Variants in DNAH17 observed in about 807,000 individuals in gnomAD.
The protein encoded by DNAH17 is axonemal beta dynein heavy chain 17.
DNAH17 carries 376 observed loss-of-function variants against 485.6 expected under a neutral mutation model. That is an observed-to-expected ratio of 0.77 (90% CI 0.71 to 0.84). The LOEUF is 0.84. Ranked by LOEUF, DNAH17 falls within the 40% of genes least tolerant of loss-of-function variation. The pLI, the probability that DNAH17 is intolerant of heterozygous loss-of-function variation, is 0.00. For missense variants in DNAH17, 6,370 were observed against 5,839.3 expected, an observed-to-expected ratio of 1.09 and a Z score of -2.96; for synonymous variants, 3,031 against 2,405.9, an observed-to-expected ratio of 1.26 and a Z score of -7.60.
At chr17:78,553,914 G>A (rs189997016) in intron 14 of DNAH17, among the ~76,000 whole-genome samples, 6 of 151,748 alleles carry the variant, frequency 4.0e-5, no homozygotes, top group Non-Finnish European at 1.5e-5. Flanking sequence ...GTGGATCACT[G>A]AGCATTTCTT....
chr17:78,450,950 A>T (rs2087522709), intron 66 of DNAH17, 104 bp from the exon 67 acceptor site: 1 of 1,443,018 alleles, frequency 6.9e-7, no homozygotes, highest in East Asian at 2.3e-5. Flanking sequence ...CCAGGCTTTG[A>T]GCGGGAGGAA....
At chr17:78,516,485 G>A (rs1054148912) in intron 25 of DNAH17, among the ~76,000 whole-genome samples, 2 of 152,096 alleles carry the variant, frequency 1.3e-5, no homozygotes, top group African/African-American at 2.4e-5. Flanking sequence ...TCAGGAGTTC[G>A]ATACCAGCCT....
chr17:78,478,703 ACCATCACCACCACTATTG>A (rs1277938391), intron 51 of DNAH17, among the ~76,000 whole-genome samples: 1 of 140,144 alleles, frequency 7.1e-6, no homozygotes, highest in Non-Finnish European at 1.5e-5. Flanking sequence ...TACCATCATT[ACCATCACCACCACTATTG>A]CCATCATCAC....
At chr17:78,432,025 AAAAC>A (rs916529727) in intron 75 of DNAH17, among the ~76,000 whole-genome samples, 5 of 151,490 alleles carry the variant, frequency 3.3e-5, no homozygotes, top group Admixed American at 6.6e-5. Flanking sequence ...AAACAAAACA[AAAAC>A]AAAAAAAACC....
At chr17:78,458,540 G>A in intron 62 of DNAH17, 25 bp downstream of exon 62, 1 of 1,584,350 alleles carries the variant, frequency 6.3e-7, no homozygotes, top group Non-Finnish European at 8.7e-7. Flanking sequence ...AGAGCAGGAG[G>A]GTGGTCTCGG....
chr17:78,530,402 G>A lies in DNAH17; in HGVS notation c.3225C>T (p.Ser1075=), dbSNP rs1202515408. The A allele has an allele frequency of 1.9e-6, 3 of 1,613,638 alleles. No homozygotes were observed. The highest frequency in any genetic ancestry group is 2.2e-5 in the East Asian group (1 of 44,882). The change falls in exon 21 of 81, where the codon AGC becomes AGT. Residue 1075 remains serine (S), a synonymous_variant. Transcript: ENST00000389840. ...DCRPFKQALL[S]TIRRWGFMFK... ...ACATGAAGCCCCAGCGCCGGATTGT[G>A]CTGAGCAGGGCCTGCTTGAAGGGGC...
At chr17:78,554,437 A>C (rs576847585) in intron 14 of DNAH17, among the ~76,000 whole-genome samples, 5 of 22,624 alleles carry the variant, frequency 2.2e-4, no homozygotes, top group South Asian at 1.7e-3. Flanking sequence ...ACTCTGTCTC[A>C]AAAAAAAAAA....
intron 48 of DNAH17, among the ~76,000 whole-genome samples, chr17:78,483,045 C>CA (rs1466400987): frequency 2.0e-5 from 3 of 152,170 alleles, no homozygotes; most frequent in African/African-American, 7.2e-5. Context: ...GACCTGCCTG[C>CA]AGAGAGGAAC....
At chr17:78,532,816 G>A (rs2091277613) in intron 19 of DNAH17, 80 bp from the exon 20 acceptor site, 1 of 1,433,770 alleles carries the variant, frequency 7.0e-7, no homozygotes, top group African/African-American at 1.4e-5. Context: ...TCGGCCTTGA[G>A]AAGTGGTTCT....
Position 78,455,665 on chromosome 17 carries a change from G to A in DNAH17, c.10149C>T (p.Ile3383=), listed in dbSNP as rs1290476362. Residue 3383 remains isoleucine (I), a synonymous_variant, in exon 63 of 81, where the codon ATC becomes ATT. Transcript: ENST00000389840. ...YRNELMEKFW[I]PYIHNLKVPI... ...TTACCTTTAAGTTATGTATGTAAGGGATCCAGAATTTCTCCATCAGCTCAT... is the reference window on the plus strand; with the variant it reads ...TTACCTTTAAGTTATGTATGTAAGGAATCCAGAATTTCTCCATCAGCTCAT... The A allele has an allele frequency of 1.3e-6, 2 of 1,557,796 alleles. No individual in the cohort carries two copies. The highest frequency in any genetic ancestry group is 2.7e-5 in the African/African-American group (2 of 73,124).
chr17:78,548,450 C>T (rs907754313), intron 16 of DNAH17, among the ~76,000 whole-genome samples: 7 of 151,864 alleles, frequency 4.6e-5, no homozygotes, highest in South Asian at 2.1e-4. Context: ...GTGATCCACC[C>T]GCCTCGGCCT....
At position 78,569,996 on chromosome 17, in the gene DNAH17, G is replaced by A. The variant is rs114381179; in HGVS notation, c.1044+251C>T. Among the ~76,000 whole-genome samples the A allele has an allele frequency of 8.5e-3, 1,292 of 152,310 alleles. 20 individuals are homozygous for A. Among genetic ancestry groups the A allele is most frequent in the African/African-American group, 0.029 (1,200 of 41,568 alleles). ...AAGCACTAGATGGGTCTCGGGGTAC[G>A]GGGACTCTCAGGGCAGACCTCCTCC... On this transcript the variant is annotated intron_variant, in intron 7 of 80. Transcript: ENST00000389840.
At chr17:78,424,308 C>CA in intron 80 of DNAH17, 155 bp from the exon 81 acceptor site, 2 of 917,246 alleles carry the variant, frequency 2.2e-6, no homozygotes, top group Non-Finnish European at 3.2e-6. Flanking sequence ...AAGCAGAGGC[C>CA]TTCGTAGGTG....
intron 25 of DNAH17, among the ~76,000 whole-genome samples, chr17:78,518,954 G>T (rs539448538): frequency 1.3e-5 from 2 of 151,948 alleles, no homozygotes; most frequent in Non-Finnish European, 1.5e-5. Context: ...TGATCACAAG[G>T]TCAGGAGATC....
chr17:78,546,832 G>C (rs1388452488), intron 16 of DNAH17, among the ~76,000 whole-genome samples: 1 of 152,082 alleles, frequency 6.6e-6, no homozygotes, highest in Non-Finnish European at 1.5e-5. Context: ...CTTGAACCCA[G>C]AGGCGGAGGT....
intron 69 of DNAH17, among the ~76,000 whole-genome samples, chr17:78,446,035 G>A (rs1181857583): frequency 7.2e-5 from 11 of 151,822 alleles, no homozygotes; most frequent in Non-Finnish European, 1.5e-4. Flanking sequence ...TTAGCCGGGC[G>A]TGGTGGTGCA....
rs748167459 is a variant in DNAH17 at position 78,455,710 on chromosome 17, G to A, written c.10104C>T (p.Tyr3368=). 2.5e-6 allele frequency: 4 copies of A among 1,601,794 alleles called. No individual in the cohort carries two copies. Among genetic ancestry groups the A allele is most frequent in the Non-Finnish European group, 3.4e-6 (4 of 1,174,708 alleles). ...GCTCATTCCGGTATTTCTTGGTGAAGTAGCCCACGTAGGACACGAAGGCAG... is the reference window on the plus strand; with the variant it reads ...GCTCATTCCGGTATTTCTTGGTGAAATAGCCCACGTAGGACACGAAGGCAG... ...LISAFVSYVG[Y]FTKKYRNELM... The change falls in exon 63 of 81, where the codon TAC becomes TAT. Residue 3368 remains tyrosine, a synonymous_variant. Transcript: ENST00000389840.
intron 2 of DNAH17, 23 bp downstream of exon 2, chr17:78,574,690 G>T: frequency 6.4e-7 from 1 of 1,573,390 alleles, no homozygotes; most frequent in Non-Finnish European, 8.6e-7. Context: ...CGACACCCCG[G>T]ATGGCAGCCT....
chr17:78,575,221 G>A, intron 1 of DNAH17, 139 bp from the exon 2 acceptor site: 1 of 693,728 alleles, frequency 1.4e-6, no homozygotes, highest in Non-Finnish European at 2.3e-6. Context: ...GTTTTTAGCT[G>A]TGGTTGGGTT....
Sources: gnomAD v4.1 joint callset for allele counts (sites outside exome capture counted in the v4.1 genomes callset) on GRCh38, gnomAD v4.1.1 for gene constraint, MANE v1.5 for transcripts, NCBI Gene and HGNC (gene_info 2026-07-23, HGNC 2026-07-21) for gene names.